CSMD1: variants seen among roughly 807,000 people sequenced by gnomAD.
The protein encoded by CSMD1 is CUB and Sushi multiple domains 1.
A neutral mutation model predicts 417.5 loss-of-function variants in CSMD1; 213 were observed. The ratio of observed to expected loss-of-function variants is 0.51; its 90% CI spans 0.46 to 0.57. The LOEUF (loss-of-function observed/expected upper bound fraction) is 0.57. Ranked by LOEUF, CSMD1 falls within the 20% of genes least tolerant of loss-of-function variation. The probability of loss-of-function intolerance (pLI) is 0.00; values close to 1 mark genes in which losing one functional copy is unlikely to be tolerated. For synonymous variants in CSMD1, 2,862 were observed against 1,736.8 expected (o/e 1.65, Z -16.11); for missense variants, 6,923 against 4,529.7 (o/e 1.53, Z -15.17).
At chr8:4,425,911 T>C (rs575491176) in intron 2 of CSMD1, among the ~76,000 whole-genome samples, 9 of 152,248 alleles carry the variant, frequency 5.9e-5, no homozygotes, top group South Asian at 2.1e-4. Context: ...CCTATCGTAA[T>C]TTTTTAGTGT....
At chr8:4,883,778 T>A (rs951186149) in intron 1 of CSMD1, among the ~76,000 whole-genome samples, 2 of 152,124 alleles carry the variant, frequency 1.3e-5, no homozygotes, top group African/African-American at 4.8e-5. Context: ...ACAATGCTGC[T>A]ATGAACATTC....
At chr8:3,950,183 T>C (rs1395958678) in intron 5 of CSMD1, among the ~76,000 whole-genome samples, 1 of 152,172 alleles carries the variant, frequency 6.6e-6, no homozygotes, top group African/African-American at 2.4e-5. Context: ...CACAAGACCC[T>C]AGAGGCCACG....
At chr8:3,401,729 G>T (rs1186243932) in intron 15 of CSMD1, among the ~76,000 whole-genome samples, 1 of 151,528 alleles carries the variant, frequency 6.6e-6, no homozygotes, top group African/African-American at 2.4e-5. Context: ...AGCAATCAAA[G>T]ACGCTGACCC....
intron 1 of CSMD1, among the ~76,000 whole-genome samples, chr8:4,821,894 A>G (rs527492562): frequency 2.4e-4 from 37 of 152,262 alleles, no homozygotes; most frequent in African/African-American, 8.4e-4. Context: ...CAGCTGTAAA[A>G]TGTGTGTAAT....
At chr8:3,236,934 G>C (rs904745326) in intron 26 of CSMD1, among the ~76,000 whole-genome samples, 3 of 151,986 alleles carry the variant, frequency 2.0e-5, no homozygotes, top group Non-Finnish European at 4.4e-5. Context: ...AGTCACAGAG[G>C]CACTTTCCAC....
chr8:4,593,276 C>T (rs894088885), intron 2 of CSMD1, among the ~76,000 whole-genome samples: 2 of 152,162 alleles, frequency 1.3e-5, no homozygotes, highest in Non-Finnish European at 2.9e-5. Flanking sequence ...ATATGATTTC[C>T]CCATTTGTTC....
chr8:3,959,620 T>A (rs555789783), intron 5 of CSMD1, among the ~76,000 whole-genome samples: 2 of 152,334 alleles, frequency 1.3e-5, no homozygotes, highest in Admixed American at 1.3e-4. Flanking sequence ...AATCACAGCA[T>A]CTCACTTGTA....
chr8:3,649,261 G>C (rs1480841827), intron 7 of CSMD1, among the ~76,000 whole-genome samples: 1 of 151,978 alleles, frequency 6.6e-6, no homozygotes, highest in East Asian at 1.9e-4. Context: ...AAACCAACCT[G>C]GAACTTAATA....
intron 2 of CSMD1, among the ~76,000 whole-genome samples, chr8:4,464,141 C>T (rs943293490): frequency 1.4e-5 from 2 of 146,552 alleles, no homozygotes; most frequent in African/African-American, 2.6e-5. Context: ...AAGGCTTATC[C>T]CTCCAGCTGG....
At position 3,737,062 on chromosome 8, in the gene CSMD1, T is replaced by C. The variant is rs572405285; in HGVS notation, c.931+16868A>G. On this transcript the variant is annotated intron_variant, in intron 6 of 69. Transcript: ENST00000635120. ...CAATTATAAAGTGCTTTAAGCGGAT[T>C]TGAAAGTCAGTGTTCATTTATATTA... 1.8e-4 allele frequency among the ~76,000 whole-genome samples: 27 copies of C among 152,360 alleles called. No homozygotes were observed. The South Asian group carries it at 4.8e-3, about 27-fold the overall frequency.
At chr8:3,450,424 T>C (rs981075581) in intron 12 of CSMD1, among the ~76,000 whole-genome samples, 4 of 152,108 alleles carry the variant, frequency 2.6e-5, no homozygotes, top group African/African-American at 7.2e-5. Context: ...ACTCGTCATT[T>C]AGCATTAGGT....
chr8:3,698,950 C>G (rs148723800), intron 7 of CSMD1, among the ~76,000 whole-genome samples: 1 of 152,194 alleles, frequency 6.6e-6, no homozygotes, highest in East Asian at 1.9e-4. Context: ...TGTTCTAAGT[C>G]AGGCATCCAG....
chr8:3,354,064 CTGTA>C (rs1207727966), intron 21 of CSMD1, among the ~76,000 whole-genome samples: 2 of 152,122 alleles, frequency 1.3e-5, no homozygotes, highest in African/African-American at 4.8e-5. Context: ...ACCAAAATGT[CTGTA>C]TAAATTAATG....
chr8:4,454,671 C>CA (rs1422696184), intron 2 of CSMD1, among the ~76,000 whole-genome samples: 2 of 152,140 alleles, frequency 1.3e-5, no homozygotes, highest in Admixed American at 1.3e-4. Context: ...GTCCTATTAT[C>CA]TTAGCATGTT....
intron 1 of CSMD1, among the ~76,000 whole-genome samples, chr8:4,808,375 A>G (rs762108947): frequency 9.2e-5 from 14 of 152,320 alleles, no homozygotes; most frequent in Middle Eastern, 6.8e-3. Flanking sequence ...TATCTAGATT[A>G]TAGACCCTTT....
chr8:3,188,614 C>T (rs1045060052), intron 35 of CSMD1, among the ~76,000 whole-genome samples: 5 of 151,846 alleles, frequency 3.3e-5, no homozygotes, highest in African/African-American at 9.7e-5. Context: ...GCTGAAAGAA[C>T]AATTTCTACA....
rs139009009 is a variant in CSMD1, at chr8:3,262,707, G to C, written c.4153+21437C>G. ...GAATACCTGGTGTAATCTGCCCCTC[G>C]AGAGTTCATTGTAATGTCTCATAGT... On this transcript the variant is annotated intron_variant, in intron 26 of 69. Transcript: ENST00000635120. 7.5e-3 allele frequency among the ~76,000 whole-genome samples: 1,146 copies of C among 152,080 alleles called. 9 individuals are homozygous for C. Among genetic ancestry groups the C allele is most frequent in the African/African-American group, 0.026 (1,092 of 41,480 alleles).
intron 3 of CSMD1, among the ~76,000 whole-genome samples, chr8:4,177,376 A>T (rs1273983419): frequency 1.3e-5 from 2 of 152,054 alleles, no homozygotes; most frequent in African/African-American, 4.8e-5. Flanking sequence ...TGTTCTTTGA[A>T]ACCAACGAGA....
chr8:4,497,149 G>C (rs1390791451), intron 2 of CSMD1, among the ~76,000 whole-genome samples: 1 of 152,058 alleles, frequency 6.6e-6, no homozygotes, highest in African/African-American at 2.4e-5. Flanking sequence ...TCAGTTTTTT[G>C]GTATTTCTTT....
Sources: gnomAD v4.1 joint callset for allele counts (sites outside exome capture counted in the v4.1 genomes callset) on GRCh38, gnomAD v4.1.1 for gene constraint, MANE v1.5 for transcripts, NCBI Gene and HGNC (gene_info 2026-07-23, HGNC 2026-07-21) for gene names.